GBE1: variants seen among roughly 807,000 people sequenced by gnomAD.
GBE1 encodes the protein 1,4-alpha-glucan-branching enzyme.
Under a neutral mutation model 88.8 loss-of-function variants are expected in GBE1, and 70 were observed. The ratio of observed to expected loss-of-function variants is 0.79; its 90% confidence interval spans 0.65 to 0.96. The LOEUF (loss-of-function observed/expected upper bound fraction) is 0.96. Among genes scored for constraint, GBE1 ranks in the 40% least tolerant of loss-of-function variants. The pLI is 0.00. For missense variants in GBE1, 872 were observed against 871.0 expected, an observed-to-expected ratio of 1.00 and a Z score of -0.01; for synonymous variants, 284 against 300.1, an observed-to-expected ratio of 0.95 and a Z score of 0.56.
chr3:81,672,141 C>T (rs1395661725), intron 2 of GBE1, among the ~76,000 whole-genome samples: 1 of 151,964 alleles, frequency 6.6e-6, no homozygotes, highest in African/African-American at 2.4e-5. Context: ...TTAAAAATAT[C>T]ATCTAGTCAG....
rs1395798484 is a variant in GBE1 at position 81,705,496 on chromosome 3, G to A, written c.261C>T (p.Tyr87=). Reference sequence around the variant, plus strand: ...CTGCTCCCGGGGCCCATTCTTTGCAGTATAAACCACCATCAGCACATCTGT... The same window carrying A: ...CTGCTCCCGGGGCCCATTCTTTGCAATATAAACCACCATCAGCACATCTGT... ...GVHRCADGGL[Y]CKEWAPGAEG... The change falls in exon 2 of 16, where the codon TAC becomes TAT. Residue 87 remains tyrosine (Y), a synonymous_variant. Transcript: ENST00000429644. 2.5e-6 allele frequency: 4 copies of A among 1,603,960 alleles called. No individual in the cohort carries two copies. The highest frequency in any genetic ancestry group is 3.4e-6 in the Non-Finnish European group (4 of 1,175,272).
chr3:81,708,137 G>A (rs984858206), intron 1 of GBE1, among the ~76,000 whole-genome samples: 2 of 151,926 alleles, frequency 1.3e-5, no homozygotes, highest in Non-Finnish European at 2.9e-5. Flanking sequence ...TATAAAATTT[G>A]AGGAACTGAA....
At chr3:81,740,827 T>A (rs1386987933) in intron 1 of GBE1, among the ~76,000 whole-genome samples, 2 of 151,074 alleles carry the variant, frequency 1.3e-5, no homozygotes, top group Non-Finnish European at 2.9e-5. Context: ...AAAGAATCCA[T>A]CACAAACATT....
intron 1 of GBE1, among the ~76,000 whole-genome samples, chr3:81,707,897 G>A (rs1705800973): frequency 6.6e-6 from 1 of 151,808 alleles, no homozygotes; most frequent in Admixed American, 6.6e-5. Context: ...TCTAAAGATA[G>A]GCATATAAAA....
At chr3:81,561,488 A>AT (rs1703416510) in intron 12 of GBE1, among the ~76,000 whole-genome samples, 2 of 152,110 alleles carry the variant, frequency 1.3e-5, no homozygotes, top group African/African-American at 2.4e-5. Context: ...GCAAGACCTT[A>AT]TTTTTTTAAA....
chr3:81,586,125 T>C lies in GBE1; in HGVS notation c.1302A>G (p.Arg434=), dbSNP rs532448572. ...ACTTATCTGGAATTGCCATGGCTAG[T>C]CGATAGTCAAAACCACCCCCTCCCT... is the stretch of plus-strand genomic sequence containing the variant. ...ISQGGGGFDY[R]LAMAIPDKWI... The change falls in exon 10 of 16, where the codon CGA becomes CGG. Residue 434 remains arginine (R), a synonymous_variant. Coordinates refer to ENST00000429644, the MANE Select transcript of GBE1 (RefSeq NM_000158.4). The C allele has an allele frequency of 7.5e-6, 12 of 1,610,140 alleles. No homozygotes were observed. Among genetic ancestry groups the C allele is most frequent in the African/African-American group, 6.7e-5 (5 of 74,790 alleles).
chr3:81,563,560 T>C (rs1457307823), intron 12 of GBE1, among the ~76,000 whole-genome samples: 1 of 152,038 alleles, frequency 6.6e-6, no homozygotes, highest in Non-Finnish European at 1.5e-5. Context: ...TGTATATTAA[T>C]TTATCTTTAT....
chr3:81,660,991 C>A (rs1705021113), intron 3 of GBE1, among the ~76,000 whole-genome samples: 1 of 151,894 alleles, frequency 6.6e-6, no homozygotes, highest in Admixed American at 6.6e-5. Flanking sequence ...CCCACCTAAA[C>A]AGTCACAAAC....
intron 7 of GBE1, among the ~76,000 whole-genome samples, chr3:81,609,596 T>C (rs976216255): frequency 6.6e-6 from 1 of 152,186 alleles, no homozygotes; most frequent in Non-Finnish European, 1.5e-5. Flanking sequence ...CTTTTTTGCT[T>C]TCTTTTGTTA....
chr3:81,675,073 A>G (rs555475851), intron 2 of GBE1, among the ~76,000 whole-genome samples: 128 of 152,098 alleles, frequency 8.4e-4, no homozygotes, highest in African/African-American at 2.8e-3. Flanking sequence ...AATAATTTGC[A>G]TTTCTAAAAA....
intron 12 of GBE1, among the ~76,000 whole-genome samples, chr3:81,561,299 G>T (rs1370529848): frequency 6.6e-6 from 1 of 151,928 alleles, no homozygotes; most frequent in South Asian, 2.1e-4. Context: ...TTGTCTCATG[G>T]ACTAAAACAA....
chr3:81,516,828 T>C (rs987165692), intron 14 of GBE1, among the ~76,000 whole-genome samples: 6 of 151,550 alleles, frequency 4.0e-5, no homozygotes, highest in Admixed American at 6.6e-5. Flanking sequence ...GCAGTGGAAA[T>C]TGAAAGATAA....
intron 1 of GBE1, among the ~76,000 whole-genome samples, chr3:81,744,736 C>A (rs1184936687): frequency 7.9e-5 from 12 of 152,178 alleles, no homozygotes; most frequent in Non-Finnish European, 1.2e-4. Flanking sequence ...CATTTTCCAA[C>A]TGAACCAATT....
At chr3:81,561,234 G>A (rs1370090297) in intron 12 of GBE1, among the ~76,000 whole-genome samples, 1 of 152,006 alleles carries the variant, frequency 6.6e-6, no homozygotes, top group Admixed American at 6.6e-5. Flanking sequence ...GTTTTGAGTT[G>A]TGAAATATAA....
chr3:81,715,983 A>C (rs1705931924), intron 1 of GBE1, among the ~76,000 whole-genome samples: 1 of 152,202 alleles, frequency 6.6e-6, no homozygotes, highest in Non-Finnish European at 1.5e-5. Context: ...TTTAATACAA[A>C]AATAAAATTT....
chr3:81,518,914 CT>C (rs745806165), intron 14 of GBE1, among the ~76,000 whole-genome samples: 7 of 151,190 alleles, frequency 4.6e-5, no homozygotes, highest in Non-Finnish European at 1.0e-4. Context: ...CCTGAATTTG[CT>C]TTTTTACCAA....
At chr3:81,705,811 TCTAA>T (rs1464208275) in intron 1 of GBE1, among the ~76,000 whole-genome samples, 198 bp from the exon 2 acceptor site, 1 of 152,118 alleles carries the variant, frequency 6.6e-6, no homozygotes, top group Non-Finnish European at 1.5e-5. Flanking sequence ...ACTGAGCTAA[TCTAA>T]CTAGCATTTT....
At chr3:81,720,764 C>G (rs933180905) in intron 1 of GBE1, among the ~76,000 whole-genome samples, 2 of 151,568 alleles carry the variant, frequency 1.3e-5, no homozygotes, top group African/African-American at 4.8e-5. Flanking sequence ...ATGTTTATTG[C>G]GGCACTATTC....
intron 11 of GBE1, 83 bp from the exon 12 acceptor site, chr3:81,578,179 C>A: frequency 1.1e-6 from 1 of 948,600 alleles, no homozygotes. Flanking sequence ...TGCATGGTTA[C>A]AAATGTTAGG....
Sources: allele counts gnomAD v4.1 joint callset (sites outside exome capture counted in the v4.1 genomes callset), GRCh38; gene constraint gnomAD v4.1.1; transcripts MANE v1.5; gene names NCBI Gene and HGNC (gene_info 2026-07-23, HGNC 2026-07-21).